CCDC171: variants seen among roughly 807,000 people sequenced by gnomAD.
CCDC171 encodes coiled-coil domain-containing protein 171.
CCDC171 carries 177 observed loss-of-function variants against 168.2 expected under a neutral mutation model. The ratio of observed to expected loss-of-function variants is 1.05; its 90% CI spans 0.93 to 1.19. The LOEUF (loss-of-function observed/expected upper bound fraction) is 1.19. CCDC171 is among the 50% of genes most tolerant of loss of function. CCDC171 has a pLI of 0.00. For synonymous variants in CCDC171, 687 were observed against 540.8 expected (o/e 1.27, Z -3.75); for missense variants, 1,991 against 1,539.0 (o/e 1.29, Z -4.91).
intron 25 of CCDC171, among the ~76,000 whole-genome samples, chr9:15,958,233 A>T (rs1343544367): frequency 6.6e-6 from 1 of 152,078 alleles, no homozygotes; most frequent in Non-Finnish European, 1.5e-5. Flanking sequence ...AGCAAACAAA[A>T]TAGCCTGTGG....
Position 15,594,154 on chromosome 9 carries a change from A to G in CCDC171, c.657A>G (p.Glu219=). The change falls in exon 6 of 26, where the codon GAA becomes GAG. Residue 219 remains glutamate (E), a synonymous_variant. Transcript: ENST00000380701. ...AACAATGGGAAGCAGAAAGAAGAGA[A>G]TTACAATTTATAGTACAGGTATTTT... ...QEEQWEAERR[E]LQFIVQEQDT... is the part of the protein sequence containing the mutation. 1 of 1,431,680 alleles carries G rather than the reference A, an allele frequency of 7.0e-7. No homozygotes were observed. The highest frequency in any genetic ancestry group is 9.8e-7 in the Non-Finnish European group (1 of 1,022,258). The allele number at this position is 1,431,680 out of a possible 1,614,324, so 88.7% of individuals were successfully genotyped here. A position where few individuals can be genotyped will look rare whatever the true frequency, so the allele number is the denominator to read the frequency against.
intron 21 of CCDC171, among the ~76,000 whole-genome samples, chr9:15,808,810 G>C (rs79670976): frequency 6.6e-6 from 1 of 152,182 alleles, no homozygotes; most frequent in East Asian, 1.9e-4. Context: ...AGTCTATTTG[G>C]GCTGCTGTAC....
chr9:16,031,803 A>G (rs1351027834), intron 6 of CCDC171, among the ~76,000 whole-genome samples: 1 of 152,156 alleles, frequency 6.6e-6, no homozygotes, highest in Non-Finnish European at 1.5e-5. Context: ...GAACATGTTG[A>G]GATGGGGTAG....
intron 21 of CCDC171, among the ~76,000 whole-genome samples, chr9:15,822,825 G>A (rs202204245): frequency 2.0e-5 from 3 of 152,072 alleles, no homozygotes; most frequent in Admixed American, 1.3e-4. Flanking sequence ...CCCAGCCATC[G>A]CATTGCTGGG....
chr9:15,591,476 A>G lies in CCDC171; in HGVS notation c.463A>G (p.Arg155Gly), dbSNP rs1311801307. 6.2e-7 allele frequency: 1 copy of G among 1,609,654 alleles called. No homozygotes were observed. Among genetic ancestry groups the G allele is most frequent in the African/African-American group, 1.3e-5 (1 of 74,770 alleles). The part of the protein sequence containing the change: ...CRRFEHDLEE[R>G]DNMIQNCNRE... ...AAGATTTGAACATGATTTGGAGGAA[A>G]GAGACAATATGATCCAAAATTGCAA... is the stretch of plus-strand genomic sequence containing the variant. The change falls in exon 5 of 26, where the codon AGA becomes GGA. Residue 155 changes from arginine to glycine, a missense_variant. Physicochemically the swap from Arg to Gly is moderately radical, Grantham distance 125. Transcript: ENST00000380701.
intron 6 of CCDC171, among the ~76,000 whole-genome samples, chr9:15,622,431 A>G (rs2044581052): frequency 6.6e-6 from 1 of 152,180 alleles, no homozygotes; most frequent in Non-Finnish European, 1.5e-5. Context: ...TTTGTAACAT[A>G]CTCAGATTCT....
chr9:15,965,740 T>C (rs1830729903), intron 25 of CCDC171, among the ~76,000 whole-genome samples: 1 of 152,132 alleles, frequency 6.6e-6, no homozygotes, highest in African/African-American at 2.4e-5. Flanking sequence ...TTAATCCTCC[T>C]AACAGCCCTA....
chr9:15,623,475 G>GCGCGCGCACGCGCGCACACACA, intron 7 of CCDC171, 62 bp downstream of exon 7: 7 of 315,438 alleles, frequency 2.2e-5, no homozygotes, highest in Non-Finnish European at 2.9e-5. Flanking sequence ...GCGCGCGCGC[G>GCGCGCGCACGCGCGCACACACA]CACACACACA....
intron 3 of CCDC171, among the ~76,000 whole-genome samples, chr9:15,985,791 T>C (rs137905950): frequency 2.0e-5 from 3 of 152,306 alleles, no homozygotes; most frequent in African/African-American, 7.2e-5. Context: ...ATTTAAAAGA[T>C]AGAAAAAATG....
intron 11 of CCDC171, among the ~76,000 whole-genome samples, chr9:15,708,603 G>A (rs888022826): frequency 6.6e-6 from 1 of 151,978 alleles, no homozygotes; most frequent in African/African-American, 2.4e-5. Flanking sequence ...AATACAGCTA[G>A]CCAGGAATGA....
intron 7 of CCDC171, among the ~76,000 whole-genome samples, chr9:15,624,022 G>A (rs1459087462): frequency 1.3e-5 from 2 of 152,134 alleles, no homozygotes; most frequent in African/African-American, 2.4e-5. Flanking sequence ...AGATAAAGAA[G>A]TTTTGTCCTA....
intron 21 of CCDC171, among the ~76,000 whole-genome samples, chr9:15,791,869 A>C (rs200912518): frequency 6.6e-6 from 1 of 151,652 alleles, no homozygotes; most frequent in African/African-American, 2.4e-5. Flanking sequence ...CCACAAAGAT[A>C]GGGAAAAAAC....
At chr9:15,584,812 A>C (rs1022166848) in intron 4 of CCDC171, among the ~76,000 whole-genome samples, 1 of 152,182 alleles carries the variant, frequency 6.6e-6, no homozygotes, top group Non-Finnish European at 1.5e-5. Flanking sequence ...TAGTTACACG[A>C]CTACCTGGAA....
Position 15,623,382 on chromosome 9 carries a change from A to T in CCDC171, c.791A>T (p.Gln264Leu). 3 of 1,611,610 alleles carry T rather than the reference A, an allele frequency of 1.9e-6. No homozygotes were observed. Among genetic ancestry groups the T allele is most frequent in the Non-Finnish European group, 2.5e-6 (3 of 1,178,568 alleles). Residue 264 changes from glutamine (Q) to leucine (L), a missense_variant, in exon 7 of 26, where the codon CAA (glutamine) becomes CTA (leucine). By Grantham distance (113) the Gln-to-Leu change is moderately radical. Transcript: ENST00000380701. ...RQTSELEFST[Q>L]REERLRKEFE... ...ACAAGTGAACTTGAATTTAGCACTCAACGAGAGGAACGCCTTAGAAAAGAA... is the reference window on the plus strand; with the variant it reads ...ACAAGTGAACTTGAATTTAGCACTCTACGAGAGGAACGCCTTAGAAAAGAA...
At chr9:15,571,094 C>A (rs926500757) in intron 2 of CCDC171, among the ~76,000 whole-genome samples, 1 of 152,136 alleles carries the variant, frequency 6.6e-6, no homozygotes, top group Non-Finnish European at 1.5e-5. Context: ...TACCACTTGT[C>A]CACATGCATT....
the CCDC171 span, among the ~76,000 whole-genome samples, chr9:16,101,638 C>G: frequency 6.6e-6 from 1 of 152,140 alleles, no homozygotes; most frequent in South Asian, 2.1e-4. Context: ...GTCTAGAGTC[C>G]AGAGAAAAAG....
chr9:16,063,014 G>A (rs1833953204), downstream of CCDC171, among the ~76,000 whole-genome samples: 1 of 152,170 alleles, frequency 6.6e-6, no homozygotes, highest in Non-Finnish European at 1.5e-5. Context: ...TGGAGTTAGG[G>A]AAGCTGTTGC....
chr9:15,913,104 G>A (rs1823954779), intron 24 of CCDC171, among the ~76,000 whole-genome samples: 1 of 152,240 alleles, frequency 6.6e-6, no homozygotes, highest in Admixed American at 6.5e-5. Flanking sequence ...AATAGTTTCA[G>A]AAGGAATGGT....
intron 6 of CCDC171, among the ~76,000 whole-genome samples, chr9:16,024,135 C>T (rs931645766): frequency 2.0e-5 from 3 of 151,988 alleles, no homozygotes; most frequent in Non-Finnish European, 4.4e-5. Flanking sequence ...CCTAGATCCT[C>T]CCAAAGGAAT....
Sources: gnomAD v4.1 joint callset for allele counts (sites outside exome capture counted in the v4.1 genomes callset) on GRCh38, gnomAD v4.1.1 for gene constraint, MANE v1.5 for transcripts, NCBI Gene and HGNC (gene_info 2026-07-23, HGNC 2026-07-21) for gene names.